The following TRIM47 variants were observed in gnomAD, a reference collection of about 807,000 sequenced individuals.
TRIM47 encodes the protein E3 ubiquitin-protein ligase TRIM47.
In TRIM47, 46 loss-of-function variants were observed where a neutral mutation model predicts 54.4. The observed-to-expected ratio is 0.84, with a 90% CI of 0.67 to 1.08. The LOEUF (loss-of-function observed/expected upper bound fraction) is 1.08. TRIM47 is among the 50% of genes least tolerant of loss of function. TRIM47 has a pLI of 0.00. For synonymous variants in TRIM47, 392 were observed against 410.2 expected (o/e 0.96, Z 0.54); for missense variants, 825 against 910.1 (o/e 0.91, Z 1.20).
chr17:75,874,210 A>C lies in TRIM47; in HGVS notation c.*273T>G. Reference sequence around the variant, plus strand: ...GAGCATCTACTACATGCCAGACACTATTCTAGAAACCTGGGAAAGGAGGGG... The same window carrying C: ...GAGCATCTACTACATGCCAGACACTCTTCTAGAAACCTGGGAAAGGAGGGG... On this transcript the variant is annotated 3_prime_UTR_variant, in exon 6 of 6. Transcript: ENST00000254816. The surrounding 1 kb of genome is among the most constrained non-coding windows in gnomAD (Gnocchi z 6.2). 4.2e-5 allele frequency: 14 copies of C among 331,628 alleles called. No individual in the cohort carries two copies. Among genetic ancestry groups the C allele is most frequent in the East Asian group, 4.7e-5 (1 of 21,134 alleles). The allele number at this position is 331,628 out of a possible 1,614,324, so 20.5% of individuals were successfully genotyped here. A position where few individuals can be genotyped will look rare whatever the true frequency, so the allele number is the denominator to read the frequency against.
Position 75,874,590 on chromosome 17 carries a change from GC to G in TRIM47, c.1809del (p.Leu604SerfsTer32). On this transcript the variant is annotated frameshift_variant, in exon 6 of 6. Transcript: ENST00000254816. LOFTEE classifies it high-confidence loss of function. The surrounding 1 kb of genome is among the most constrained non-coding windows in gnomAD (Gnocchi z 6.2). ...GCAGGCTTGAGTCTGTGGGTGAAGAGCCCCGCAAAGTGACTGTCCAGGCGGC... is the reference window on the plus strand; with the variant it reads ...GCAGGCTTGAGTCTGTGGGTGAAGAGCCCGCAAAGTGACTGTCCAGGCGGC... ...FQSRLDSHFA[G>X]LFTHRLKPAF... 1 of 1,546,086 alleles carries G rather than the reference GC, an allele frequency of 6.5e-7. No individual in the cohort carries two copies. Among genetic ancestry groups the G allele is most frequent in the South Asian group, 1.2e-5 (1 of 80,844 alleles).
Position 75,877,935 on chromosome 17 carries a change from G to A in TRIM47, c.614C>T (p.Ala205Val). The change falls in exon 1 of 6, where the codon GCC becomes GTC. Residue 205 changes from alanine to valine, a missense_variant. Ala to Val is a moderately conservative substitution (Grantham distance 64, BLOSUM62 0). Transcript: ENST00000254816. ...CTCGTGGCCGCGGTGCTCCTGTGCG[G>A]CGCAGGCCTCGCACAGACACACGCG... The part of the protein sequence containing the change: ...AERVCLCEAC[A>V]AQEHRGHELV... 1 of 1,445,704 alleles carries A rather than the reference G, an allele frequency of 6.9e-7. No individual in the cohort carries two copies. The highest frequency in any genetic ancestry group is 1.4e-5 in the South Asian group (1 of 73,746). The allele number at this position is 1,445,704 out of a possible 1,614,324, so 89.6% of individuals were successfully genotyped here.
Position 75,876,011 on chromosome 17 carries a change from T to A in TRIM47, c.1091A>T (p.Gln364Leu), listed in dbSNP as rs1458609072. 1 of 1,605,272 alleles carries A rather than the reference T, an allele frequency of 6.2e-7. No homozygotes were observed. Among genetic ancestry groups the A allele is most frequent in the South Asian group, 1.1e-5 (1 of 91,082 alleles). Residue 364 changes from glutamine (Q) to leucine (L), a missense_variant, in exon 4 of 6, where the codon CAA (glutamine) becomes CTA (leucine). Gln to Leu is a moderately radical substitution (Grantham distance 113). Coordinates refer to ENST00000254816, the MANE Select transcript of TRIM47 (RefSeq NM_033452.3). Reference sequence around the variant, plus strand: ...CATGTCTCTCACTGCACGGACAGCTTGGGATGATTTGGTGAAGCTGAGCTC... The same window carrying A: ...CATGTCTCTCACTGCACGGACAGCTAGGGATGATTTGGTGAAGCTGAGCTC... Reference protein sequence around the residue: ...PRELSFTKSSQAVRAVRDMLA... With the variant: ...PRELSFTKSSLAVRAVRDMLA...
rs2143969367 is a variant in TRIM47, at chr17:75,875,518, C to T, written c.1202-44G>A. ...TGGTGAGAACGCCCCCAGACTGCCC[C>T]CCTCTGAACCTGTGACTACAATCCC... On this transcript the variant is annotated intron_variant, in intron 4 of 5. Transcript: ENST00000254816. This position sits in a 1 kb window ranked among gnomAD's most constrained non-coding sequence, Gnocchi z 6.1. 5 of 1,553,094 alleles carry T rather than the reference C, an allele frequency of 3.2e-6. No homozygotes were observed. Among genetic ancestry groups the T allele is most frequent in the Non-Finnish European group, 4.4e-6 (5 of 1,125,458 alleles).
rs1312788265 is a variant in TRIM47, at chr17:75,876,253, G to A, written c.1002+9C>T. Reference sequence around the variant, plus strand: ...CTGTTCCTTCCGTGGCCCCCAGAGCGGCCTTCACCTGCAGGAAGCTGACTG... The same window carrying A: ...CTGTTCCTTCCGTGGCCCCCAGAGCAGCCTTCACCTGCAGGAAGCTGACTG... On this transcript the variant is annotated intron_variant, in intron 3 of 5. Transcript: ENST00000254816. The A allele has an allele frequency of 1.3e-5, 21 of 1,597,256 alleles. No individual in the cohort carries two copies. The highest frequency in any genetic ancestry group is 2.2e-5 in the East Asian group (1 of 44,642).
intron 3 of TRIM47, 80 bp downstream of exon 3, chr17:75,876,182 A>G (rs2065132657): frequency 6.4e-7 from 1 of 1,568,748 alleles, no homozygotes; most frequent in South Asian, 1.1e-5. Context: ...CCAGGAAGTC[A>G]TGCACCCACT....
At chr17:75,877,839 GC>G in intron 1 of TRIM47, 34 bp downstream of exon 1, 1 of 1,299,130 alleles carries the variant, frequency 7.7e-7, no homozygotes. Context: ...TCGGTCACCA[GC>G]CCCGGCTCAC....
chr17:75,876,900 G>T (rs941539244), intron 1 of TRIM47, 87 bp from the exon 2 acceptor site: 15 of 1,269,998 alleles, frequency 1.2e-5, no homozygotes, highest in African/African-American at 1.5e-5. Context: ...GGGAGAGAAG[G>T]GGGTGACTGG....
intron 2 of TRIM47, 77 bp downstream of exon 2, chr17:75,876,641 G>T: frequency 6.4e-7 from 1 of 1,569,328 alleles, no homozygotes. Context: ...GCCAGGTCAG[G>T]GGACACTTGT....
chr17:75,876,882 C>T, intron 1 of TRIM47, 69 bp from the exon 2 acceptor site: 1 of 1,501,456 alleles, frequency 6.7e-7, no homozygotes, highest in South Asian at 1.1e-5. Context: ...GGTCCCAGGC[C>T]TTGCCAGGGG....
At position 75,878,560 on chromosome 17, in the gene TRIM47, C is replaced by T. The variant is rs772340329; in HGVS notation, c.-12G>A. On this transcript the variant is annotated 5_prime_UTR_variant, in exon 1 of 6. Transcript: ENST00000254816. ...CCACTGCCGTCCATGACTCCGCGGC[C>T]GCCCAGGGCGCCGCCGATTGTGCTC... 7.9e-7 allele frequency: 1 copy of T among 1,268,854 alleles called. No individual in the cohort carries two copies. The highest frequency in any genetic ancestry group is 3.3e-5 in the South Asian group (1 of 30,530). 78.6% of individuals were successfully genotyped at this position (1,268,854 alleles called of 1,614,324 possible).
chr17:75,878,072 G>T lies in TRIM47; in HGVS notation c.477C>A (p.His159Gln). The change falls in exon 1 of 6, where the codon CAC (histidine) becomes CAA (glutamine). Residue 159 changes from histidine (H) to glutamine (Q), a missense_variant. Transcript: ENST00000254816. ...GTCCGCGGAGGGCGGGGCTGCGCTC[G>T]TGCGGGCCCAGGTGCGCGGGGCAAA... ...ASFCPAHLGP[H>Q]ERSPALRGHR... The T allele has an allele frequency of 7.4e-7, 1 of 1,358,044 alleles. No homozygotes were observed. Among genetic ancestry groups the T allele is most frequent in the Non-Finnish European group, 9.4e-7 (1 of 1,059,974 alleles). The allele number at this position is 1,358,044 out of a possible 1,614,324, so 84.1% of individuals were successfully genotyped here. A position where few individuals can be genotyped will look rare whatever the true frequency, so the allele number is the denominator to read the frequency against.
Position 75,875,011 on chromosome 17 carries a change from G to A in TRIM47, c.1389C>T (p.Thr463=). 6.2e-7 allele frequency: 1 copy of A among 1,614,096 alleles called. No individual in the cohort carries two copies. Among genetic ancestry groups the A allele is most frequent in the Middle Eastern group, 1.6e-4 (1 of 6,062 alleles). ...LCPINYPLSP[T]RFTHCEQVLG... ...GCACCTGCTCACAATGGGTGAAGCG[G>A]GTGGGCGACAAGGGGTAGTTGATAG... is the stretch of plus-strand genomic sequence containing the variant. The change falls in exon 6 of 6, where the codon ACC becomes ACT. Residue 463 remains threonine, a synonymous_variant. Transcript: ENST00000254816. This position sits in a 1 kb window ranked among gnomAD's most constrained non-coding sequence, Gnocchi z 6.1.
At position 75,874,768 on chromosome 17, in the gene TRIM47, G is replaced by A. The variant is rs749440823; in HGVS notation, c.1632C>T (p.Phe544=). The A allele has an allele frequency of 6.2e-7, 1 of 1,613,946 alleles. No individual in the cohort carries two copies. Among genetic ancestry groups the A allele is most frequent in the African/African-American group, 1.3e-5 (1 of 74,934 alleles). The change falls in exon 6 of 6, where the codon TTC becomes TTT. Residue 544 remains phenylalanine, a synonymous_variant. Coordinates refer to ENST00000254816, the MANE Select transcript of TRIM47 (RefSeq NM_033452.3). The surrounding 1 kb of genome is among the most constrained non-coding windows in gnomAD (Gnocchi z 6.2). ...CCAGGCAGACCCCAACCGTGGGCGAGAAGGGGTGGGGCAGGGGAGCCTCCA... is the reference window on the plus strand; with the variant it reads ...CCAGGCAGACCCCAACCGTGGGCGAAAAGGGGTGGGGCAGGGGAGCCTCCA... The part of the protein sequence containing the change: ...HGLEAPLPHP[F]SPTVGVCLEY...
Position 75,875,876 on chromosome 17 carries a change from C to G in TRIM47, c.1201+25G>C, listed in dbSNP as rs750057795. On this transcript the variant is annotated intron_variant, in intron 4 of 5. Coordinates refer to ENST00000254816, the MANE Select transcript of TRIM47 (RefSeq NM_033452.3). The surrounding 1 kb of genome is among the most constrained non-coding windows in gnomAD (Gnocchi z 6.1). The stretch of plus-strand genomic sequence containing the variant: ...GAGAGGCTGGCAGAGGGTGAGTCAT[C>G]GGGGGGGCGTGGGGCGGTGCCCACC... 7 of 1,603,528 alleles carry G rather than the reference C, an allele frequency of 4.4e-6. No individual in the cohort carries two copies. The highest frequency in any genetic ancestry group is 6.0e-6 in the Non-Finnish European group (7 of 1,176,402).
At position 75,876,493 on chromosome 17, in the gene TRIM47, C is replaced by G. The variant is rs779081158; in HGVS notation, c.772-1G>C. On this transcript the variant is annotated splice_acceptor_variant, in intron 2 of 5. Transcript: ENST00000254816. LOFTEE classifies it high-confidence loss of function. ...TCTCCCGCTCTGCTACGGCTGCACT[C>G]TGCACAGGACGACAGTAGAGGGGGC... 6.3e-7 allele frequency: 1 copy of G among 1,597,574 alleles called. No homozygotes were observed. Among genetic ancestry groups the G allele is most frequent in the Non-Finnish European group, 8.5e-7 (1 of 1,174,124 alleles).
In TRIM47 at chr17:75,876,107, A is replaced by G. The variant is rs1409383199; in HGVS notation, c.1003-8T>C. On this transcript the variant is annotated splice_polypyrimidine_tract_variant and splice_region_variant and intron_variant, in intron 3 of 5. Transcript: ENST00000254816. Reference sequence around the variant, plus strand: ...CCTTAGTGCCAGCAGCTCCTGTGCCAGACAAATGCCCATTAAAGTGCTGCT... The same window carrying G: ...CCTTAGTGCCAGCAGCTCCTGTGCCGGACAAATGCCCATTAAAGTGCTGCT... 1 of 1,599,550 alleles carries G rather than the reference A, an allele frequency of 6.3e-7. No homozygotes were observed. Among genetic ancestry groups the G allele is most frequent in the Admixed American group, 1.7e-5 (1 of 60,002 alleles).
At position 75,876,426 on chromosome 17, in the gene TRIM47, CCTG is replaced by C; in HGVS notation, c.835_837del (p.Gln279del). 3 of 1,611,832 alleles carry C rather than the reference CCTG, an allele frequency of 1.9e-6. No individual in the cohort carries two copies. Among genetic ancestry groups the C allele is most frequent in the Non-Finnish European group, 2.5e-6 (3 of 1,179,924 alleles). On this transcript the variant is annotated inframe_deletion, in exon 3 of 6. Coordinates refer to ENST00000254816, the MANE Select transcript of TRIM47 (RefSeq NM_033452.3). ...AAGCCCAGCACCTGGGTCTGGAAGC[CCTG>C]CAGGGCGGCCGCAGCATCTGCAAAC... is the stretch of plus-strand genomic sequence containing the variant.
chr17:75,878,064 C>A lies in TRIM47; in HGVS notation c.485G>T (p.Ser162Ile), dbSNP rs2065146466. Residue 162 changes from serine (S) to isoleucine (I), a missense_variant, in exon 1 of 6, where the codon AGC becomes ATC. Physicochemically the swap from Ser to Ile is moderately radical, Grantham distance 142. Coordinates refer to ENST00000254816, the MANE Select transcript of TRIM47 (RefSeq NM_033452.3). ...CAGGCGGTGTCCGCGGAGGGCGGGG[C>A]TGCGCTCGTGCGGGCCCAGGTGCGC... The part of the protein sequence containing the change: ...CPAHLGPHER[S>I]PALRGHRLVP... 2 of 1,370,190 alleles carry A rather than the reference C, an allele frequency of 1.5e-6. No homozygotes were observed. Among genetic ancestry groups the A allele is most frequent in the South Asian group, 1.7e-5 (1 of 60,060 alleles). The allele number at this position is 1,370,190 out of a possible 1,614,324, so 84.9% of individuals were successfully genotyped here.
Sources: gnomAD v4.1 joint callset for allele counts on GRCh38, gnomAD v4.1.1 for gene constraint, Gnocchi (gnomAD v3.1) non-coding constraint, MANE v1.5 for transcripts, NCBI Gene and HGNC (gene_info 2026-07-23, HGNC 2026-07-21) for gene names.